The following GSR variants were observed in gnomAD, a reference collection of about 807,000 sequenced individuals.
The protein encoded by GSR is glutathione reductase, mitochondrial.
Under a neutral mutation model 56.5 loss-of-function variants are expected in GSR, and 48 were observed. The ratio of observed to expected loss-of-function variants is 0.85; its 90% confidence interval spans 0.67 to 1.08. GSR has a LOEUF of 1.08. GSR is among the 50% of genes least tolerant of loss of function. The pLI is 0.00. For missense variants in GSR, 694 were observed against 703.3 expected (o/e 0.99, Z 0.15); for synonymous variants, 264 against 270.8 (o/e 0.97, Z 0.25).
chr8:30,710,097 C>T (rs557680781), intron 2 of GSR, among the ~76,000 whole-genome samples, 195 bp from the exon 3 acceptor site: 10 of 152,210 alleles, frequency 6.6e-5, no homozygotes, highest in African/African-American at 2.2e-4. Context: ...AGGTGGATCA[C>T]TTGAGGTCAA....
At position 30,679,498 on chromosome 8, in the gene GSR, C is replaced by T. The variant is rs373481457; in HGVS notation, c.*22G>A. 79 of 1,611,536 alleles carry T rather than the reference C, an allele frequency of 4.9e-5. No homozygotes were observed. The highest frequency in any genetic ancestry group is 2.5e-4 in the South Asian group (23 of 91,018). The stretch of plus-strand genomic sequence containing the variant: ...CAGAAGATCTATGGGTCCCACTGCC[C>T]GCCACACGTGTCTCCTGGTTCTCAA... On this transcript the variant is annotated 3_prime_UTR_variant, in exon 13 of 13. Transcript: ENST00000221130.
chr8:30,725,195 C>A (rs1308413126), intron 1 of GSR, among the ~76,000 whole-genome samples: 3 of 152,152 alleles, frequency 2.0e-5, no homozygotes, highest in Non-Finnish European at 2.9e-5. Context: ...GTAATCCCAG[C>A]ATTTTGGGAG....
At chr8:30,680,180 T>C (rs1802894297) in intron 12 of GSR, among the ~76,000 whole-genome samples, 1 of 152,114 alleles carries the variant, frequency 6.6e-6, no homozygotes, top group Non-Finnish European at 1.5e-5. Flanking sequence ...CATGATTCAA[T>C]ATCCAGAAAT....
chr8:30,712,099 A>C lies in GSR; in HGVS notation c.307-11T>G. On this transcript the variant is annotated splice_polypyrimidine_tract_variant and intron_variant, in intron 1 of 12. Transcript: ENST00000221130. ...ACATCCAACATTCACCTGGAAAAAA[A>C]AAAAAGAGACACACTTTAAGAATAT... 2.8e-6 allele frequency: 4 copies of C among 1,416,066 alleles called. 1 individual carries two copies. The highest frequency in any genetic ancestry group is 3.5e-4 in the Middle Eastern group (2 of 5,648). 87.7% of individuals were successfully genotyped at this position (1,416,066 alleles called of 1,614,324 possible). A position where few individuals can be genotyped will look rare whatever the true frequency, so the allele number is the denominator to read the frequency against.
intron 1 of GSR, among the ~76,000 whole-genome samples, chr8:30,724,544 C>T (rs1459238865): frequency 5.9e-5 from 5 of 84,628 alleles, no homozygotes; most frequent in East Asian, 4.3e-4. Flanking sequence ...AACCCCCCAC[C>T]TTTTTTTTTT....
intron 1 of GSR, among the ~76,000 whole-genome samples, chr8:30,713,989 A>G (rs1804244463): frequency 6.6e-6 from 1 of 152,212 alleles, no homozygotes; most frequent in South Asian, 2.1e-4. Flanking sequence ...AGGGCAAGGT[A>G]GATTTCTATG....
intron 12 of GSR, 80 bp downstream of exon 12, chr8:30,680,824 C>G: frequency 1.5e-6 from 2 of 1,307,564 alleles, no homozygotes; most frequent in East Asian, 4.6e-5. Context: ...GCTTGGTCTC[C>G]CTCCTTTCCA....
intron 1 of GSR, among the ~76,000 whole-genome samples, chr8:30,720,002 G>C (rs184845458): frequency 3.9e-4 from 59 of 152,180 alleles, no homozygotes; most frequent in Non-Finnish European, 5.9e-5. Context: ...TTGAGCCCAC[G>C]AGTTAGAGAC....
At chr8:30,714,908 C>G (rs1804275772) in intron 1 of GSR, among the ~76,000 whole-genome samples, 1 of 152,176 alleles carries the variant, frequency 6.6e-6, no homozygotes, top group South Asian at 2.1e-4. Flanking sequence ...TTACAAGCAG[C>G]AATTATTCCA....
rs1242176424 is a variant in GSR at position 30,678,117 on chromosome 8, A to T, written c.*1403T>A. On this transcript the variant is annotated 3_prime_UTR_variant, in exon 13 of 13. Coordinates refer to ENST00000221130, the MANE Select transcript of GSR (RefSeq NM_000637.5). ...TTCAAATTTTTGGAAGTTTTTCAGA[A>T]AAAAATAAAATGACAAGAACACATA... The T allele has an allele frequency of 6.6e-6, 1 of 152,082 alleles. No homozygotes were observed. The highest frequency in any genetic ancestry group is 1.9e-4 in the East Asian group (1 of 5,200). 9.4% of individuals were successfully genotyped at this position (152,082 alleles called of 1,614,324 possible).
chr8:30,688,029 T>C (rs1050950102), intron 9 of GSR, among the ~76,000 whole-genome samples: 2 of 152,166 alleles, frequency 1.3e-5, no homozygotes, highest in Admixed American at 6.5e-5. Context: ...CAAGCTCCCA[T>C]TCTAGATTTT....
Position 30,703,082 on chromosome 8 carries a change from G to A in GSR, c.640+11C>T, listed in dbSNP as rs370915457. ...TGACTGCTGTTAATGAGTACCTGTT[G>A]TATGACTCACCGGGGATCTGGCTCT... On this transcript the variant is annotated intron_variant, in intron 5 of 12. Coordinates refer to ENST00000221130, the MANE Select transcript of GSR (RefSeq NM_000637.5). 7 of 1,613,466 alleles carry A rather than the reference G, an allele frequency of 4.3e-6. No homozygotes were observed. Among genetic ancestry groups the A allele is most frequent in the South Asian group, 2.2e-5 (2 of 91,072 alleles).
chr8:30,721,608 G>A (rs1043495935), intron 1 of GSR, among the ~76,000 whole-genome samples: 1 of 151,714 alleles, frequency 6.6e-6, no homozygotes, highest in Non-Finnish European at 1.5e-5. Context: ...AGCCAAGATC[G>A]TGCCACTGCA....
chr8:30,691,947 A>C (rs1803391977), intron 8 of GSR, among the ~76,000 whole-genome samples: 1 of 151,636 alleles, frequency 6.6e-6, no homozygotes, highest in South Asian at 2.1e-4. Context: ...AAAAATACAA[A>C]AAAATTAGCC....
At chr8:30,693,521 A>G (rs1803454380) in intron 7 of GSR, among the ~76,000 whole-genome samples, 1 of 151,678 alleles carries the variant, frequency 6.6e-6, no homozygotes. Flanking sequence ...TTATTCACAG[A>G]GTAGTTCTTT....
At chr8:30,721,262 T>A (rs2128749071) in intron 1 of GSR, among the ~76,000 whole-genome samples, 1 of 152,274 alleles carries the variant, frequency 6.6e-6, no homozygotes, top group Non-Finnish European at 1.5e-5. Flanking sequence ...CCACATCCTA[T>A]TAGGCTGGTG....
chr8:30,698,144 C>T (rs1803613038), intron 6 of GSR, among the ~76,000 whole-genome samples: 1 of 152,172 alleles, frequency 6.6e-6, no homozygotes, highest in Non-Finnish European at 1.5e-5. Context: ...TGCTATCTTC[C>T]CTACATTATT....
At chr8:30,699,284 C>G (rs1803649107) in intron 6 of GSR, among the ~76,000 whole-genome samples, 1 of 151,662 alleles carries the variant, frequency 6.6e-6, no homozygotes, top group South Asian at 2.1e-4. Context: ...GAAGAAGACC[C>G]TGTCTCTAAA....
At chr8:30,690,076 A>C (rs1803324167) in intron 8 of GSR, among the ~76,000 whole-genome samples, 1 of 143,932 alleles carries the variant, frequency 6.9e-6, no homozygotes. Context: ...AAATATACAT[A>C]TATAAAATAT....
Sources: allele counts gnomAD v4.1 joint callset (sites outside exome capture counted in the v4.1 genomes callset), GRCh38; gene constraint gnomAD v4.1.1; transcripts MANE v1.5; gene names NCBI Gene and HGNC (gene_info 2026-07-23, HGNC 2026-07-21).